Variants in BCAT1 observed in about 807,000 individuals in gnomAD.
BCAT1 encodes branched-chain-amino-acid aminotransferase, cytosolic.
A neutral mutation model predicts 52.4 loss-of-function variants in BCAT1; 48 were observed. That is an observed-to-expected ratio of 0.92 (90% confidence interval 0.73 to 1.16). BCAT1 has a LOEUF of 1.16. Among genes scored for constraint, BCAT1 ranks in the 50% most tolerant of loss-of-function variants. The probability of loss-of-function intolerance (pLI) is 0.00; values close to 1 mark genes in which losing one functional copy is unlikely to be tolerated. For missense variants in BCAT1, 451 were observed against 457.1 expected, an observed-to-expected ratio of 0.99 and a Z score of 0.12; for synonymous variants, 167 against 161.3, an observed-to-expected ratio of 1.04 and a Z score of -0.27.
At chr12:24,878,146 A>C (rs576200007) in intron 5 of BCAT1, among the ~76,000 whole-genome samples, 72 of 150,320 alleles carry the variant, frequency 4.8e-4, no homozygotes, top group African/African-American at 1.6e-3. Flanking sequence ...AACGTGGGCA[A>C]AAAAAAAAAA....
chr12:24,827,126 A>G (rs750533173), intron 10 of BCAT1, among the ~76,000 whole-genome samples: 5 of 152,020 alleles, frequency 3.3e-5, no homozygotes, highest in Non-Finnish European at 5.9e-5. Context: ...GATGCCCTTT[A>G]TTTATTTTTC....
intron 5 of BCAT1, among the ~76,000 whole-genome samples, chr12:24,861,894 CT>C (rs1444093796): frequency 1.3e-5 from 2 of 152,144 alleles, no homozygotes; most frequent in Non-Finnish European, 2.9e-5. Flanking sequence ...GGAAATTGAC[CT>C]CTGGTCATCC....
intron 5 of BCAT1, among the ~76,000 whole-genome samples, chr12:24,851,571 C>G (rs1261265975): frequency 1.3e-5 from 2 of 152,176 alleles, no homozygotes; most frequent in African/African-American, 4.8e-5. Flanking sequence ...ACCAAAGGGC[C>G]TGGGTGGCCA....
At chr12:24,868,360 G>A (rs1942086420) in intron 5 of BCAT1, among the ~76,000 whole-genome samples, 1 of 152,130 alleles carries the variant, frequency 6.6e-6, no homozygotes, top group Non-Finnish European at 1.5e-5. Flanking sequence ...ATCCGTATGT[G>A]CCAAAATGAA....
At chr12:24,938,242 G>A (rs10842433) in intron 1 of BCAT1, among the ~76,000 whole-genome samples, 46,239 of 151,980 alleles carry the variant, frequency 0.3, 8,224 homozygotes, top group Middle Eastern at 0.52. Flanking sequence ...AGGGTGAAGG[G>A]CATCAGTCCC....
At position 24,812,594 on chromosome 12, in the gene BCAT1, T is replaced by C. The variant is rs995764761; in HGVS notation, c.*5414A>G. On this transcript the variant is annotated 3_prime_UTR_variant, in exon 11 of 11. Coordinates refer to ENST00000261192, the MANE Select transcript of BCAT1 (RefSeq NM_005504.7). The stretch of plus-strand genomic sequence containing the variant: ...ACTACCTAGTAGCATTATTTGTATT[T>C]AGCAACTACATTGAAAGCTGAAGAA... 1 of 152,052 alleles carries C rather than the reference T, an allele frequency of 6.6e-6. No homozygotes were observed. The highest frequency in any genetic ancestry group is 1.5e-5 in the Non-Finnish European group (1 of 67,894). The allele number at this position is 152,052 out of a possible 1,614,324, so 9.4% of individuals were successfully genotyped here.
At chr12:24,822,158 CTTTG>C (rs1482983449) in intron 10 of BCAT1, among the ~76,000 whole-genome samples, 1 of 151,922 alleles carries the variant, frequency 6.6e-6, no homozygotes, top group African/African-American at 2.4e-5. Flanking sequence ...ACGTGCTTTT[CTTTG>C]TTGCTTTAAA....
intron 1 of BCAT1, among the ~76,000 whole-genome samples, chr12:24,912,136 T>C (rs548420827): frequency 6.6e-6 from 1 of 152,300 alleles, no homozygotes; most frequent in African/African-American, 2.4e-5. Flanking sequence ...TTATTAATGA[T>C]TATTAAGTGC....
intron 4 of BCAT1, among the ~76,000 whole-genome samples, chr12:24,880,485 G>T (rs1225552723): frequency 6.6e-6 from 1 of 152,002 alleles, no homozygotes; most frequent in Non-Finnish European, 1.5e-5. Flanking sequence ...ATCTTACAAT[G>T]ATTTCTGCTC....
At chr12:24,908,004 T>C (rs988979451) in intron 1 of BCAT1, among the ~76,000 whole-genome samples, 1 of 152,040 alleles carries the variant, frequency 6.6e-6, no homozygotes, top group African/African-American at 2.4e-5. Flanking sequence ...CTGTGGAGAG[T>C]TAAAAATCTG....
At chr12:24,930,567 G>A (rs1943661591) in intron 1 of BCAT1, among the ~76,000 whole-genome samples, 1 of 152,188 alleles carries the variant, frequency 6.6e-6, no homozygotes, top group Admixed American at 6.5e-5. Context: ...AGATCCTCTA[G>A]GCAAAGCATT....
chr12:24,835,788 A>G (rs184678391), intron 8 of BCAT1, among the ~76,000 whole-genome samples: 52 of 152,028 alleles, frequency 3.4e-4, no homozygotes, highest in Non-Finnish European at 5.3e-4. Flanking sequence ...TCGGGGTCTC[A>G]CTATGTTGCC....
chr12:24,831,515 G>A (rs1326699194), intron 9 of BCAT1, among the ~76,000 whole-genome samples: 2 of 152,140 alleles, frequency 1.3e-5, no homozygotes, highest in East Asian at 3.9e-4. Context: ...TGGGTGTGGT[G>A]GTGCACACCT....
At chr12:24,836,399 A>G (rs1266053181) in intron 8 of BCAT1, 112 bp downstream of exon 8, 9 of 883,362 alleles carry the variant, frequency 1.0e-5, no homozygotes, top group Non-Finnish European at 1.6e-5. Context: ...GAATTTAAAG[A>G]TTAGATAACA....
intron 10 of BCAT1, among the ~76,000 whole-genome samples, chr12:24,823,893 T>C (rs1157770325): frequency 3.3e-5 from 5 of 152,184 alleles, no homozygotes; most frequent in African/African-American, 9.7e-5. Flanking sequence ...GACTACTACA[T>C]ATCCTTTTGG....
At chr12:24,826,733 G>C (rs1343563933) in intron 10 of BCAT1, among the ~76,000 whole-genome samples, 5 of 152,126 alleles carry the variant, frequency 3.3e-5, no homozygotes. Flanking sequence ...GTGTAGTATA[G>C]TCATTTTAAC....
intron 4 of BCAT1, among the ~76,000 whole-genome samples, chr12:24,879,553 T>C (rs1209424954): frequency 6.6e-6 from 1 of 152,198 alleles, no homozygotes; most frequent in Non-Finnish European, 1.5e-5. Flanking sequence ...TCTATTTAAA[T>C]ATTGACCTGT....
At chr12:24,936,937 G>C (rs1240211737) in intron 1 of BCAT1, among the ~76,000 whole-genome samples, 2 of 152,010 alleles carry the variant, frequency 1.3e-5, no homozygotes, top group Admixed American at 6.5e-5. Context: ...TACCATGAAA[G>C]CTTCTGGGGA....
chr12:24,870,104 G>A (rs1194382035), intron 5 of BCAT1, among the ~76,000 whole-genome samples: 1 of 152,060 alleles, frequency 6.6e-6, no homozygotes, highest in Non-Finnish European at 1.5e-5. Flanking sequence ...GGATGGAAAT[G>A]AGAGTGTGAG....
Sources: allele counts gnomAD v4.1 joint callset (sites outside exome capture counted in the v4.1 genomes callset), GRCh38; gene constraint gnomAD v4.1.1; transcripts MANE v1.5; gene names NCBI Gene and HGNC (gene_info 2026-07-23, HGNC 2026-07-21).